ZSWIM4: variants seen among roughly 807,000 people sequenced by gnomAD.
The protein encoded by ZSWIM4 is zinc finger SWIM-type containing 4.
Under a neutral mutation model 102.5 loss-of-function variants are expected in ZSWIM4, and 62 were observed. The ratio of observed to expected loss-of-function variants is 0.60; its 90% confidence interval spans 0.49 to 0.75. The LOEUF (loss-of-function observed/expected upper bound fraction) is 0.75, where lower values mean the gene tolerates loss of function less well. Ranked by LOEUF, ZSWIM4 falls within the 30% of genes least tolerant of loss-of-function variation. The pLI is 0.00. For missense variants in ZSWIM4, 1,280 were observed against 1,529.6 expected, an observed-to-expected ratio of 0.84 and a Z score of 2.72; for synonymous variants, 652 against 674.5, an observed-to-expected ratio of 0.97 and a Z score of 0.52.
intron 12 of ZSWIM4, among the ~76,000 whole-genome samples, chr19:13,828,254 C>A (rs1479968428): frequency 6.6e-6 from 1 of 151,758 alleles, no homozygotes; most frequent in African/African-American, 2.4e-5. Context: ...ACTAAAAATA[C>A]AAAAATTAGC....
chr19:13,821,584 T>C (rs56373128), intron 10 of ZSWIM4, among the ~76,000 whole-genome samples: 2,979 of 152,246 alleles, frequency 0.02, 101 homozygotes, highest in African/African-American at 0.069. Flanking sequence ...CTCGCTCCAT[T>C]GCCCAGGCTG....
In ZSWIM4 at chr19:13,809,055, C is replaced by A; in HGVS notation, c.862-15C>A. On this transcript the variant is annotated splice_polypyrimidine_tract_variant and intron_variant, in intron 4 of 13. Transcript: ENST00000590508. This position sits in a 1 kb window ranked among gnomAD's most constrained non-coding sequence, Gnocchi z 4.2. ...GACGCCCCAGCCCTTCCTCACCACC[C>A]TGTCCCCGGCACAGGTGCGGGAGAT... The A allele has an allele frequency of 1.2e-6, 2 of 1,610,400 alleles. No individual in the cohort carries two copies. Among genetic ancestry groups the A allele is most frequent in the Non-Finnish European group, 1.7e-6 (2 of 1,177,426 alleles).
Position 13,825,498 on chromosome 19 carries a change from G to C in ZSWIM4, c.2216-52G>C, listed in dbSNP as rs1327308398. 2.5e-6 allele frequency: 4 copies of C among 1,586,968 alleles called. No individual in the cohort carries two copies. In the African/African-American group the frequency reaches 5.4e-5, roughly 21 times the overall value. On this transcript the variant is annotated intron_variant, in intron 11 of 13. Transcript: ENST00000590508. The surrounding 1 kb of genome is among the most constrained non-coding windows in gnomAD (Gnocchi z 4.6). ...GTGAACAGGTCGGGTGGTGGTCAGA[G>C]GCTGGTGCTGAGGTGTATCCGATGG...
At chr19:13,810,081 G>A (rs1366557051) in intron 5 of ZSWIM4, among the ~76,000 whole-genome samples, 4 of 149,098 alleles carry the variant, frequency 2.7e-5, no homozygotes, top group Non-Finnish European at 4.5e-5. Context: ...TGCAAGCTCC[G>A]CCCTCCGGGT....
chr19:13,809,552 G>A lies in ZSWIM4; in HGVS notation c.1012+332G>A, dbSNP rs8110694. Among the ~76,000 whole-genome samples, 2,782 of 152,222 alleles carry A rather than the reference G, an allele frequency of 0.018. 82 individuals carry two copies. The highest frequency in any genetic ancestry group is 0.064 in the African/African-American group (2,647 of 41,538). On this transcript the variant is annotated intron_variant, in intron 5 of 13. Coordinates refer to ENST00000590508, the MANE Select transcript of ZSWIM4 (RefSeq NM_001367834.3). The surrounding 1 kb of genome is among the most constrained non-coding windows in gnomAD (Gnocchi z 4.2). ...GGCTGGCGTGCAGTGGCACAATCTC[G>A]GCTGACTGCAACCTCTGCCTCCCGG...
intron 13 of ZSWIM4, among the ~76,000 whole-genome samples, chr19:13,829,700 C>T (rs911241764): frequency 1.3e-5 from 2 of 152,064 alleles, no homozygotes; most frequent in Non-Finnish European, 2.9e-5. Context: ...TGGTGGGCCC[C>T]TGTAGTCCCA....
At chr19:13,819,296 G>A (rs1007885191) in intron 9 of ZSWIM4, 61 bp from the exon 10 acceptor site, 63 of 1,600,320 alleles carry the variant, frequency 3.9e-5, no homozygotes, top group South Asian at 3.3e-4. Flanking sequence ...GGTCTAGTGA[G>A]ACCTGGGGAA....
In ZSWIM4 at chr19:13,825,770, T is replaced by G. The variant is rs1398515432; in HGVS notation, c.2379+57T>G. The G allele has an allele frequency of 6.5e-7, 1 of 1,549,882 alleles. No individual in the cohort carries two copies. The highest frequency in any genetic ancestry group is 2.3e-5 in the East Asian group (1 of 43,776). On this transcript the variant is annotated intron_variant, in intron 12 of 13. Coordinates refer to ENST00000590508, the MANE Select transcript of ZSWIM4 (RefSeq NM_001367834.3). This position sits in a 1 kb window ranked among gnomAD's most constrained non-coding sequence, Gnocchi z 4.6. ...ATGGTGGCTCGGGGCCAGGACTGAC[T>G]GTGAGCTGCGCCTCCCGGGGCATGG...
At chr19:13,813,641 C>T (rs1441351987) in intron 6 of ZSWIM4, among the ~76,000 whole-genome samples, 1 of 151,860 alleles carries the variant, frequency 6.6e-6, no homozygotes, top group African/African-American at 2.4e-5. Flanking sequence ...CAAGTACAGG[C>T]CAGGCATGGT....
chr19:13,800,528 G>C (rs1307658016), intron 2 of ZSWIM4, among the ~76,000 whole-genome samples: 1 of 151,750 alleles, frequency 6.6e-6, no homozygotes. Flanking sequence ...GCCTCCCAAA[G>C]TGCTGGGATT....
At chr19:13,811,564 A>G (rs113391127) in intron 5 of ZSWIM4, among the ~76,000 whole-genome samples, 2,799 of 152,188 alleles carry the variant, frequency 0.018, 87 homozygotes, top group African/African-American at 0.064. Flanking sequence ...GCACAGTGGC[A>G]GGAGCCTGTA....
chr19:13,796,267 C>G (rs1276209728), intron 1 of ZSWIM4, among the ~76,000 whole-genome samples: 1 of 151,710 alleles, frequency 6.6e-6, no homozygotes, highest in African/African-American at 2.4e-5. Flanking sequence ...ATCAGGGCAC[C>G]CCATTCAGTC....
intron 5 of ZSWIM4, among the ~76,000 whole-genome samples, chr19:13,810,861 C>T (rs1236972064): frequency 6.7e-6 from 1 of 148,262 alleles, no homozygotes; most frequent in Admixed American, 6.8e-5. Flanking sequence ...CCGCCCGCCT[C>T]GGCTTCCCAA....
chr19:13,828,761 G>T (rs757620562), intron 13 of ZSWIM4, 35 bp downstream of exon 13: 1 of 1,599,670 alleles, frequency 6.3e-7, no homozygotes, highest in South Asian at 1.1e-5. Context: ...CACCCACTTC[G>T]CTGTTCTGGT....
chr19:13,824,142 G>A (rs1975542689), intron 11 of ZSWIM4, among the ~76,000 whole-genome samples: 1 of 151,810 alleles, frequency 6.6e-6, no homozygotes, highest in Admixed American at 6.6e-5. Context: ...GTGCCAGAGA[G>A]GAGAGAGAGA....
At chr19:13,823,009 G>C (rs1975509389) in intron 10 of ZSWIM4, among the ~76,000 whole-genome samples, 1 of 151,914 alleles carries the variant, frequency 6.6e-6, no homozygotes, top group African/African-American at 2.4e-5. Flanking sequence ...AAAAAAGCCA[G>C]GTATGGTGGC....
intron 12 of ZSWIM4, among the ~76,000 whole-genome samples, chr19:13,827,944 G>A (rs977461119): frequency 6.6e-6 from 1 of 152,174 alleles, no homozygotes; most frequent in Non-Finnish European, 1.5e-5. Flanking sequence ...GGACAGGTTG[G>A]TTTGTTCCGG....
At chr19:13,818,306 C>G (rs1050999806) in intron 9 of ZSWIM4, among the ~76,000 whole-genome samples, 1 of 152,170 alleles carries the variant, frequency 6.6e-6, no homozygotes, top group Non-Finnish European at 1.5e-5. Flanking sequence ...GCCCCTGTCC[C>G]GGCCTGCTCC....
intron 12 of ZSWIM4, among the ~76,000 whole-genome samples, chr19:13,828,033 T>C (rs1024953425): frequency 6.6e-6 from 1 of 152,150 alleles, no homozygotes; most frequent in Non-Finnish European, 1.5e-5. Context: ...AGCAGTGATA[T>C]TAAGAGCTGA....
Sources: gnomAD v4.1 joint callset for allele counts (sites outside exome capture counted in the v4.1 genomes callset) on GRCh38, gnomAD v4.1.1 for gene constraint, Gnocchi (gnomAD v3.1) non-coding constraint, MANE v1.5 for transcripts, NCBI Gene and HGNC (gene_info 2026-07-23, HGNC 2026-07-21) for gene names.